Variants in RALYL observed in about 807,000 individuals in gnomAD.
RALYL encodes the protein RNA-binding Raly-like protein.
A neutral mutation model predicts 35.1 loss-of-function variants in RALYL; 29 were observed. The ratio of observed to expected loss-of-function variants is 0.83; its 90% CI spans 0.61 to 1.13. RALYL has a LOEUF of 1.13. RALYL is among the 50% of genes most tolerant of loss of function. The pLI is 0.00. For synonymous variants in RALYL, 120 were observed against 127.6 expected (o/e 0.94, Z 0.40); for missense variants, 359 against 360.4 (o/e 1.00, Z 0.03).
chr8:84,763,021 T>C (rs1324395620), intron 2 of RALYL, among the ~76,000 whole-genome samples: 1 of 152,172 alleles, frequency 6.6e-6, no homozygotes, highest in Non-Finnish European at 1.5e-5. Context: ...CTAAATGTGT[T>C]ATATTCTAGG....
At chr8:84,328,088 T>A (rs1258455842) in intron 1 of RALYL, among the ~76,000 whole-genome samples, 1 of 152,184 alleles carries the variant, frequency 6.6e-6, no homozygotes, top group Non-Finnish European at 1.5e-5. Flanking sequence ...AGTCTTTCAC[T>A]TAGAACTTAT....
chr8:84,596,760 A>C (rs1373990021), intron 2 of RALYL, among the ~76,000 whole-genome samples: 1 of 152,146 alleles, frequency 6.6e-6, no homozygotes, highest in East Asian at 1.9e-4. Context: ...TAATTAGGTG[A>C]CTAGAGAGGT....
intron 1 of RALYL, among the ~76,000 whole-genome samples, chr8:84,435,217 C>T (rs1296769248): frequency 6.6e-6 from 1 of 152,124 alleles, no homozygotes; most frequent in Non-Finnish European, 1.5e-5. Context: ...CCAGAGCTTA[C>T]TAGCCTACAC....
intron 1 of RALYL, among the ~76,000 whole-genome samples, chr8:84,461,392 AT>A (rs774478735): frequency 1.3e-4 from 20 of 151,680 alleles, no homozygotes; most frequent in Non-Finnish European, 8.9e-5. Context: ...ATGAAGGGTA[AT>A]ATAGAATGTC....
intron 4 of RALYL, among the ~76,000 whole-genome samples, chr8:84,840,118 G>C (rs1358576923): frequency 6.6e-6 from 1 of 152,162 alleles, no homozygotes; most frequent in Admixed American, 6.5e-5. Flanking sequence ...GCTGGACAGG[G>C]AATGACTTTG....
intron 1 of RALYL, among the ~76,000 whole-genome samples, chr8:84,427,472 G>C (rs1266254733): frequency 6.6e-6 from 1 of 152,066 alleles, no homozygotes; most frequent in African/African-American, 2.4e-5. Context: ...GTTTTCAATT[G>C]CTATTGCTCC....
chr8:84,673,129 T>C (rs1833579359), intron 2 of RALYL, among the ~76,000 whole-genome samples: 1 of 152,230 alleles, frequency 6.6e-6, no homozygotes, highest in Non-Finnish European at 1.5e-5. Flanking sequence ...TCAGTGATGT[T>C]AAGCTTTTTT....
chr8:84,464,816 T>A (rs1414379181), intron 1 of RALYL, among the ~76,000 whole-genome samples: 1 of 146,760 alleles, frequency 6.8e-6, no homozygotes, highest in Non-Finnish European at 1.5e-5. Context: ...TTTCCTGACT[T>A]TTTAATGACT....
At chr8:84,265,339 A>G (rs558494276) in intron 1 of RALYL, among the ~76,000 whole-genome samples, 29 of 152,322 alleles carry the variant, frequency 1.9e-4, no homozygotes, top group African/African-American at 5.5e-4. Context: ...AGTTGTGGCC[A>G]GAAAGAGATA....
At chr8:84,688,682 A>G (rs961570942) in intron 2 of RALYL, among the ~76,000 whole-genome samples, 4 of 152,152 alleles carry the variant, frequency 2.6e-5, no homozygotes, top group Admixed American at 1.3e-4. Flanking sequence ...CTTTTTTACT[A>G]TAACCCCAAA....
intron 1 of RALYL, among the ~76,000 whole-genome samples, chr8:84,207,075 A>G (rs1202201266): frequency 6.6e-6 from 1 of 152,158 alleles, no homozygotes; most frequent in Non-Finnish European, 1.5e-5. Flanking sequence ...GTGAGAATGT[A>G]GATTAGTACA....
intron 4 of RALYL, among the ~76,000 whole-genome samples, chr8:84,819,391 A>C (rs1432299739): frequency 1.3e-5 from 2 of 152,202 alleles, no homozygotes; most frequent in African/African-American, 4.8e-5. Flanking sequence ...TTATTTCTGC[A>C]CCTGTCAATG....
intron 1 of RALYL, among the ~76,000 whole-genome samples, chr8:84,305,464 G>A (rs1841599814): frequency 6.6e-6 from 1 of 152,032 alleles, no homozygotes; most frequent in African/African-American, 2.4e-5. Context: ...CGTATATAGA[G>A]GATTACTTAA....
chr8:84,454,011 G>T (rs1462411439), intron 1 of RALYL, among the ~76,000 whole-genome samples: 1 of 152,024 alleles, frequency 6.6e-6, no homozygotes, highest in Non-Finnish European at 1.5e-5. Flanking sequence ...TCATGCTGAA[G>T]ATTACATATA....
chr8:84,632,611 G>A (rs896446893), intron 2 of RALYL, among the ~76,000 whole-genome samples: 12 of 151,734 alleles, frequency 7.9e-5, no homozygotes, highest in Non-Finnish European at 1.3e-4. Context: ...GTGTGTGTGT[G>A]TGTAGTTTTC....
intron 4 of RALYL, among the ~76,000 whole-genome samples, chr8:84,817,297 T>C (rs1318113477): frequency 6.6e-6 from 1 of 152,116 alleles, no homozygotes; most frequent in Non-Finnish European, 1.5e-5. Flanking sequence ...GATGTTCTTA[T>C]TAGGTTAAAG....
intron 2 of RALYL, among the ~76,000 whole-genome samples, chr8:84,757,569 C>A (rs1191481944): frequency 6.6e-6 from 1 of 152,082 alleles, no homozygotes; most frequent in Non-Finnish European, 1.5e-5. Context: ...CTAACACTTC[C>A]ATTTAAAAGA....
In RALYL at chr8:84,672,863, G is replaced by A. The variant is rs535521421; in HGVS notation, c.257-101716G>A. 1.2e-3 allele frequency among the ~76,000 whole-genome samples: 175 copies of A among 152,166 alleles called. 1 individual carries two copies. Among genetic ancestry groups the A allele is most frequent in the Non-Finnish European group, 2.1e-3 (143 of 67,998 alleles). On this transcript the variant is annotated intron_variant, in intron 2 of 8. Transcript: ENST00000521268. ...CAGTTCAAGAGGAGATTTGGGTGAGGGCACAACCAAACCATATCAACCAAA... is the reference window on the plus strand; with the variant it reads ...CAGTTCAAGAGGAGATTTGGGTGAGAGCACAACCAAACCATATCAACCAAA...
chr8:84,695,306 C>T (rs528286005), intron 2 of RALYL, among the ~76,000 whole-genome samples: 217 of 151,820 alleles, frequency 1.4e-3, no homozygotes, highest in African/African-American at 5.1e-3. Context: ...TCCTCTAAGA[C>T]ATAAGTAATT....
Sources: allele counts gnomAD v4.1 joint callset (sites outside exome capture counted in the v4.1 genomes callset), GRCh38; gene constraint gnomAD v4.1.1; transcripts MANE v1.5; gene names NCBI Gene and HGNC (gene_info 2026-07-23, HGNC 2026-07-21).